DDX60L: variants seen among roughly 807,000 people sequenced by gnomAD.
DDX60L encodes the protein probable ATP-dependent RNA helicase DDX60-like.
A neutral mutation model predicts 211.6 loss-of-function variants in DDX60L; 191 were observed. That is an observed-to-expected ratio of 0.90 (90% CI 0.80 to 1.02). The LOEUF (loss-of-function observed/expected upper bound fraction) is 1.02. Ranked by LOEUF, DDX60L falls within the 50% of genes least tolerant of loss-of-function variation. The probability of loss-of-function intolerance (pLI) is 0.00; values close to 1 mark genes in which losing one functional copy is unlikely to be tolerated. For synonymous variants in DDX60L, 706 were observed against 694.1 expected, an observed-to-expected ratio of 1.02 and a Z score of -0.27; for missense variants, 2,007 against 1,984.1, an observed-to-expected ratio of 1.01 and a Z score of -0.22.
At chr4:168,419,521 T>C (rs1478817875) in intron 18 of DDX60L, 124 bp from the exon 19 acceptor site, 4 of 539,164 alleles carry the variant, frequency 7.4e-6, no homozygotes, top group Non-Finnish European at 1.2e-5. Flanking sequence ...ATATTGCATC[T>C]TTGACGTTTT....
At chr4:168,377,708 C>T (rs2149667144) in intron 33 of DDX60L, 1 of 152,196 alleles carries the variant, frequency 6.6e-6, no homozygotes, top group South Asian at 2.1e-4. Context: ...GGTCAGAAAG[C>T]CTAGATTAAT....
At chr4:168,455,049 A>C (rs1025836128) in intron 7 of DDX60L, among the ~76,000 whole-genome samples, 2 of 151,924 alleles carry the variant, frequency 1.3e-5, no homozygotes, top group African/African-American at 4.8e-5. Flanking sequence ...TATTTTTGGC[A>C]TATATATTAC....
At chr4:168,376,515 G>C (rs76155643) in intron 33 of DDX60L, among the ~76,000 whole-genome samples, 1 of 152,256 alleles carries the variant, frequency 6.6e-6, no homozygotes, top group Non-Finnish European at 1.5e-5. Context: ...ACATAATAAA[G>C]AATGCCCCTA....
At chr4:168,446,023 T>C (rs1414233986) in intron 9 of DDX60L, among the ~76,000 whole-genome samples, 1 of 148,794 alleles carries the variant, frequency 6.7e-6, no homozygotes, top group East Asian at 1.9e-4. Flanking sequence ...TTGGAAGTTC[T>C]GGCCAGGGCA....
chr4:168,394,561 C>T lies in DDX60L; in HGVS notation c.3714G>A (p.Lys1238=). The part of the protein sequence containing the change: ...VRFTRHGKEL[K]ALAQRGIGYH... ...ATCCAATCCCCCTTTGTGCTAAAGC[C>T]TTCAGTTCTTTGCCGTGTCTTGTAA... is the stretch of plus-strand genomic sequence containing the variant. Residue 1238 remains lysine (K), a synonymous_variant, in exon 28 of 38, where the codon AAG becomes AAA. Coordinates refer to ENST00000682922, the MANE Select transcript of DDX60L (RefSeq NM_001012967.3). The T allele has an allele frequency of 1.9e-6, 3 of 1,613,546 alleles. No individual in the cohort carries two copies. The highest frequency in any genetic ancestry group is 1.3e-5 in the African/African-American group (1 of 74,924).
At chr4:168,432,412 G>T (rs777432026) in intron 12 of DDX60L, 43 bp downstream of exon 12, 1 of 1,115,688 alleles carries the variant, frequency 9.0e-7, no homozygotes, top group South Asian at 2.0e-5. Flanking sequence ...AGCAGCAAAG[G>T]CAATTCATAT....
chr4:168,447,258 G>A (rs1754957350), intron 9 of DDX60L, among the ~76,000 whole-genome samples: 2 of 151,532 alleles, frequency 1.3e-5, no homozygotes, highest in South Asian at 4.2e-4. Context: ...AGACATTTAT[G>A]CAGCCAAAAA....
At chr4:168,417,112 A>G (rs557989641) in intron 19 of DDX60L, among the ~76,000 whole-genome samples, 1 of 152,148 alleles carries the variant, frequency 6.6e-6, no homozygotes, top group East Asian at 1.9e-4. Flanking sequence ...TTTTTCTCTT[A>G]GCTTCCACTC....
At chr4:168,379,131 T>C (rs1742473651) in intron 32 of DDX60L, among the ~76,000 whole-genome samples, 3 of 152,248 alleles carry the variant, frequency 2.0e-5, no homozygotes, top group African/African-American at 7.2e-5. Context: ...TCTGCAAATA[T>C]TCTTTATCAG....
At chr4:168,421,945 T>A in intron 16 of DDX60L, 36 bp from the exon 17 acceptor site, 1 of 1,613,402 alleles carries the variant, frequency 6.2e-7, no homozygotes, top group Non-Finnish European at 8.5e-7. Context: ...GTCAAGAAAG[T>A]GAACAGCATG....
intron 1 of DDX60L, among the ~76,000 whole-genome samples, chr4:168,479,122 T>TGATGGATGGATG (rs35832532): frequency 2.1e-5 from 3 of 141,782 alleles, no homozygotes; most frequent in South Asian, 2.3e-4. Context: ...GATGGCTGGA[T>TGATGGATGGATG]GATGGATGGA....
chr4:168,414,735 G>C (rs1308059179), intron 22 of DDX60L, among the ~76,000 whole-genome samples: 5 of 152,068 alleles, frequency 3.3e-5, no homozygotes, highest in Non-Finnish European at 7.4e-5. Context: ...ATGTCACTAT[G>C]TTAAGTGAAA....
chr4:168,363,084 G>T (rs574016483), intron 36 of DDX60L, among the ~76,000 whole-genome samples: 2 of 152,070 alleles, frequency 1.3e-5, no homozygotes, highest in Admixed American at 1.3e-4. Flanking sequence ...CACACATAAC[G>T]GAATCCTCAT....
intron 17 of DDX60L, among the ~76,000 whole-genome samples, chr4:168,421,467 C>T (rs989664488): frequency 6.6e-6 from 1 of 152,126 alleles, no homozygotes; most frequent in East Asian, 1.9e-4. Flanking sequence ...CCAGCCTAGC[C>T]AACATGGTGA....
In DDX60L at chr4:168,394,487, A is replaced by G. The variant is rs1286329797; in HGVS notation, c.3788T>C (p.Leu1263Pro). Residue 1263 changes from leucine (L) to proline (P), a missense_variant, in exon 28 of 38, where the codon CTC becomes CCC. Transcript: ENST00000682922. ...TACCCTAATAAGCCCTTTTACAAAG[A>G]GTATCTCAACAAACTCTTTTTCTTT... is the stretch of plus-strand genomic sequence containing the variant. ...YFKEKEFVEILFVKGLIRVVT... is the reference protein window; with the variant it reads ...YFKEKEFVEIPFVKGLIRVVT... The G allele has an allele frequency of 1.9e-6, 3 of 1,607,524 alleles. No homozygotes were observed. The highest frequency in any genetic ancestry group is 1.1e-5 in the South Asian group (1 of 89,170).
intron 13 of DDX60L, among the ~76,000 whole-genome samples, chr4:168,430,221 A>G: frequency 6.6e-6 from 1 of 152,068 alleles, no homozygotes; most frequent in African/African-American, 2.4e-5. Context: ...AGAAAAAGAA[A>G]AAGAAGTTCC....
Position 168,406,627 on chromosome 4 carries a change from A to T in DDX60L, c.3059T>A (p.Val1020Asp). 1.2e-6 allele frequency: 2 copies of T among 1,602,430 alleles called. No homozygotes were observed. The highest frequency in any genetic ancestry group is 2.3e-5 in the South Asian group (2 of 88,634). The change falls in exon 23 of 38, where the codon GTC (valine) becomes GAC (aspartate). Residue 1020 changes from valine (V) to aspartate (D), a missense_variant. Physicochemically the swap from Val to Asp is radical, Grantham distance 152. Coordinates refer to ENST00000682922, the MANE Select transcript of DDX60L (RefSeq NM_001012967.3). ...CTGAGCCCTGGGCCAAGTTTCCCAG[A>T]CTTGAGCCATGGTATCATAAAGCTG... is the stretch of plus-strand genomic sequence containing the variant. ...SIQLYDTMAQVWETWPRAQEL... is the reference protein window; with the variant it reads ...SIQLYDTMAQDWETWPRAQEL...
intron 22 of DDX60L, among the ~76,000 whole-genome samples, chr4:168,414,046 T>C (rs892514082): frequency 6.6e-6 from 1 of 152,088 alleles, no homozygotes; most frequent in Admixed American, 6.5e-5. Flanking sequence ...GACTTCTCAG[T>C]GGAAACCTCA....
intron 24 of DDX60L, 36 bp from the exon 25 acceptor site, chr4:168,404,142 AAAG>A: frequency 8.0e-7 from 1 of 1,245,048 alleles, no homozygotes; most frequent in Admixed American, 3.9e-5. Flanking sequence ...AAAAAAAAAA[AAAG>A]AATTTGTGGA....
Sources: allele counts gnomAD v4.1 joint callset (sites outside exome capture counted in the v4.1 genomes callset), GRCh38; gene constraint gnomAD v4.1.1; transcripts MANE v1.5; gene names NCBI Gene and HGNC (gene_info 2026-07-23, HGNC 2026-07-21).